The following ROR1 variants were observed in gnomAD, a reference collection of about 807,000 sequenced individuals.
ROR1 encodes inactive tyrosine-protein kinase transmembrane receptor ROR1.
In ROR1, 19 loss-of-function variants were observed where a neutral mutation model predicts 78.8. The ratio of observed to expected loss-of-function variants is 0.24; its 90% CI spans 0.17 to 0.35. The LOEUF is 0.35. Ranked by LOEUF, ROR1 falls within the 10% of genes least tolerant of loss-of-function variation. The pLI, the probability that ROR1 is intolerant of heterozygous loss-of-function variation, is 1.00. For missense variants in ROR1, 917 were observed against 1,177.8 expected, an observed-to-expected ratio of 0.78 and a Z score of 3.24; for synonymous variants, 386 against 433.6, an observed-to-expected ratio of 0.89 and a Z score of 1.36.
intron 1 of ROR1, among the ~76,000 whole-genome samples, chr1:63,914,550 G>A (rs1645595042): frequency 6.6e-6 from 1 of 152,190 alleles, no homozygotes; most frequent in African/African-American, 2.4e-5. Flanking sequence ...CCTGTAAGTC[G>A]AGGTAGGAAG....
At chr1:63,855,814 A>AT (rs1645144702) in intron 1 of ROR1, among the ~76,000 whole-genome samples, 1 of 100,768 alleles carries the variant, frequency 9.9e-6, no homozygotes, top group Non-Finnish European at 1.9e-5. Context: ...ACGCCCCACT[A>AT]ATTTTTTTTT....
intron 1 of ROR1, among the ~76,000 whole-genome samples, chr1:63,826,123 C>A (rs1644951682): frequency 6.6e-6 from 1 of 152,142 alleles, no homozygotes; most frequent in Admixed American, 6.5e-5. Flanking sequence ...TTCAGGGGTA[C>A]ATGCACAGGT....
chr1:64,025,613 AT>A (rs1183446033), intron 2 of ROR1, among the ~76,000 whole-genome samples: 3 of 151,246 alleles, frequency 2.0e-5, no homozygotes, highest in Non-Finnish European at 4.4e-5. Flanking sequence ...ATACATACAC[AT>A]ATACACACAT....
intron 1 of ROR1, among the ~76,000 whole-genome samples, chr1:63,820,575 A>C (rs990215318): frequency 6.6e-6 from 1 of 152,162 alleles, no homozygotes; most frequent in Admixed American, 6.5e-5. Flanking sequence ...TTTCTGCTAT[A>C]TGCAGATTCA....
intron 1 of ROR1, among the ~76,000 whole-genome samples, chr1:63,875,402 T>A (rs1645278932): frequency 2.0e-5 from 3 of 152,158 alleles, no homozygotes; most frequent in Admixed American, 2.0e-4. Context: ...CTGCTGTGTG[T>A]TTTGGGGGAA....
intron 3 of ROR1, among the ~76,000 whole-genome samples, chr1:64,050,359 G>A (rs1646818728): frequency 1.3e-5 from 2 of 152,132 alleles, no homozygotes; most frequent in South Asian, 2.1e-4. Context: ...CCCACTCACT[G>A]TTGCAATCAA....
At chr1:63,956,722 A>G (rs941912071) in intron 1 of ROR1, among the ~76,000 whole-genome samples, 2 of 152,198 alleles carry the variant, frequency 1.3e-5, no homozygotes, top group African/African-American at 4.8e-5. Flanking sequence ...GTTTTTAAAT[A>G]TTTTGAAAGC....
intron 1 of ROR1, among the ~76,000 whole-genome samples, chr1:63,858,029 A>T (rs1480035939): frequency 7.0e-6 from 1 of 142,376 alleles, no homozygotes; most frequent in African/African-American, 3.1e-5. Flanking sequence ...GCACATGGGA[A>T]CCCTCTCCCC....
chr1:63,785,328 A>G (rs1012185088), intron 1 of ROR1, among the ~76,000 whole-genome samples: 3 of 152,040 alleles, frequency 2.0e-5, no homozygotes, highest in African/African-American at 7.2e-5. Context: ...TTAGCCTTTC[A>G]TATGCCTACC....
At chr1:64,142,886 G>A in intron 7 of ROR1, 2 of 1,357,654 alleles carry the variant, frequency 1.5e-6, no homozygotes, top group African/African-American at 1.5e-5. Context: ...ACTCATGGAT[G>A]TAACAGGGAC....
At chr1:64,103,678 G>T (rs916217535) in intron 4 of ROR1, among the ~76,000 whole-genome samples, 1 of 151,980 alleles carries the variant, frequency 6.6e-6, no homozygotes, top group African/African-American at 2.4e-5. Context: ...AATACACAGT[G>T]TTCTCTAAAT....
chr1:64,047,416 C>T (rs866417749), intron 2 of ROR1, among the ~76,000 whole-genome samples: 2 of 152,052 alleles, frequency 1.3e-5, no homozygotes, highest in Non-Finnish European at 1.5e-5. Context: ...TTGGTTTTTC[C>T]GTTGGTTAAA....
chr1:64,014,257 C>T (rs1646500160), intron 2 of ROR1, among the ~76,000 whole-genome samples: 1 of 152,168 alleles, frequency 6.6e-6, no homozygotes, highest in African/African-American at 2.4e-5. Flanking sequence ...ACAGCAGCTC[C>T]CCAGCCACAC....
intron 7 of ROR1, 142 bp downstream of exon 7, chr1:64,142,792 C>T: frequency 2.8e-6 from 4 of 1,448,940 alleles, no homozygotes; most frequent in Non-Finnish European, 3.6e-6. Flanking sequence ...TAGGGTAAAC[C>T]TTGCCGTTTC....
At chr1:63,849,484 G>A (rs1645100743) in intron 1 of ROR1, among the ~76,000 whole-genome samples, 1 of 152,138 alleles carries the variant, frequency 6.6e-6, no homozygotes, top group Non-Finnish European at 1.5e-5. Context: ...GATCACTTGA[G>A]CTCAGGAGTT....
intron 2 of ROR1, among the ~76,000 whole-genome samples, chr1:64,041,793 C>T (rs1646747774): frequency 6.6e-6 from 1 of 152,184 alleles, no homozygotes. Context: ...GCACCCAGCC[C>T]AGCACAGCAC....
chr1:64,112,891 T>G (rs1648165408), intron 4 of ROR1, among the ~76,000 whole-genome samples: 1 of 152,172 alleles, frequency 6.6e-6, no homozygotes, highest in Non-Finnish European at 1.5e-5. Flanking sequence ...CATTGGACAT[T>G]TCCCTATGGA....
At chr1:63,846,117 AATGTGT>A (rs1437600033) in intron 1 of ROR1, among the ~76,000 whole-genome samples, 20 of 91,634 alleles carry the variant, frequency 2.2e-4, no homozygotes, top group African/African-American at 6.9e-4. Context: ...AGAGAGAGAG[AATGTGT>A]GTGTGTGTGT....
chr1:64,024,990 A>G (rs560273806), intron 2 of ROR1, among the ~76,000 whole-genome samples: 1 of 152,200 alleles, frequency 6.6e-6, no homozygotes, highest in East Asian at 1.9e-4. Flanking sequence ...TTTTGTTTGC[A>G]TGTATATTTT....
Sources: gnomAD v4.1 joint callset for allele counts (sites outside exome capture counted in the v4.1 genomes callset) on GRCh38, gnomAD v4.1.1 for gene constraint, MANE v1.5 for transcripts, NCBI Gene and HGNC (gene_info 2026-07-23, HGNC 2026-07-21) for gene names.